The following PRKCD variants were observed in gnomAD, a reference collection of about 807,000 sequenced individuals.
PRKCD encodes the protein protein kinase C delta, also known as protein kinase C delta type.
Under a neutral mutation model 82.2 loss-of-function variants are expected in PRKCD, and 20 were observed. The ratio of observed to expected loss-of-function variants is 0.24; its 90% CI spans 0.17 to 0.35. The LOEUF (loss-of-function observed/expected upper bound fraction) is 0.35, where lower values mean the gene tolerates loss of function less well. Ranked by LOEUF, PRKCD falls within the 10% of genes least tolerant of loss-of-function variation. The probability of loss-of-function intolerance (pLI) is 1.00; values close to 1 mark genes in which losing one functional copy is unlikely to be tolerated. For synonymous variants in PRKCD, 317 were observed against 337.0 expected (o/e 0.94, Z 0.65); for missense variants, 607 against 899.0 (o/e 0.68, Z 4.15).
chr3:53,184,934 A>G lies in PRKCD; in HGVS notation c.848A>G (p.Asn283Ser). Residue 283 changes from asparagine (N) to serine (S), a missense_variant, in exon 10 of 19, where the codon AAC becomes AGC. Transcript: ENST00000330452. ...REKVANLCGINQKLLAEALNQ... is the reference protein window; with the variant it reads ...REKVANLCGISQKLLAEALNQ... The stretch of plus-strand genomic sequence containing the variant: ...AAGGTGGCCAACCTCTGCGGCATCA[A>G]CCAGAAGCTTTTGGCTGAGGCCTTG... 6.2e-7 allele frequency: 1 copy of G among 1,614,052 alleles called. No homozygotes were observed.
intron 18 of PRKCD, among the ~76,000 whole-genome samples, chr3:53,190,944 G>A (rs1172415989): frequency 1.3e-5 from 2 of 152,132 alleles, no homozygotes; most frequent in African/African-American, 4.8e-5. Flanking sequence ...TTCCTTCTCC[G>A]CACTAAGAAA....
At position 53,179,927 on chromosome 3, in the gene PRKCD, G is replaced by A; in HGVS notation, c.315+151G>A. ...CTGTGCTGGCCACCAGTCCAGCCCT[G>A]TGGCCAACATGTCCTGGGTGTGAAT... On this transcript the variant is annotated intron_variant, in intron 4 of 18. Transcript: ENST00000330452. 7 of 903,966 alleles carry A rather than the reference G, an allele frequency of 7.7e-6. No homozygotes were observed. The South Asian group carries it at 1.2e-4, about 15-fold the overall frequency. The allele number at this position is 903,966 out of a possible 1,614,324, so 56.0% of individuals were successfully genotyped here.
chr3:53,192,302 C>T lies in PRKCD; in HGVS notation c.*36C>T, dbSNP rs782006147. On this transcript the variant is annotated 3_prime_UTR_variant, in exon 19 of 19. Transcript: ENST00000330452. ...CAGATCAGGCTAGCCCTGCCCTCCACCCACACCTGCCCGCTCCCCACGATA... is the reference window on the plus strand; with the variant it reads ...CAGATCAGGCTAGCCCTGCCCTCCATCCACACCTGCCCGCTCCCCACGATA... 1 of 1,604,536 alleles carries T rather than the reference C, an allele frequency of 6.2e-7. No homozygotes were observed. The highest frequency in any genetic ancestry group is 8.5e-7 in the Non-Finnish European group (1 of 1,172,006).
chr3:53,179,704 G>C lies in PRKCD; in HGVS notation c.243G>C (p.Val81=), dbSNP rs782530190. 1.4e-5 allele frequency: 22 copies of C among 1,608,800 alleles called. No homozygotes were observed. In the Admixed American group the frequency reaches 3.2e-4, roughly 23 times the overall value. ...IVLMRAAEEP[V]SEVTVGVSVL... The stretch of plus-strand genomic sequence containing the variant: ...TAATGCGGGCAGCAGAGGAGCCAGT[G>C]TCTGAGGTGACCGTGGGTGTGTCGG... Residue 81 remains valine (V), a synonymous_variant, in exon 4 of 19, where the codon GTG becomes GTC. Transcript: ENST00000330452.
In PRKCD at chr3:53,181,534, TC is replaced by T; in HGVS notation, c.468del (p.Lys157ArgfsTer83). 2 of 1,614,214 alleles carry T rather than the reference TC, an allele frequency of 1.2e-6. No homozygotes were observed. Among genetic ancestry groups the T allele is most frequent in the Non-Finnish European group, 1.7e-6 (2 of 1,180,030 alleles). On this transcript the variant is annotated frameshift_variant, in exon 6 of 19. Transcript: ENST00000330452. LOFTEE classifies it high-confidence loss of function. ...GAIKQAKIHY[I>X]KNHEFIATFF... ...ATCAAACAGGCCAAAATCCACTACA[TC>T]AAGAACCATGAGTTTATCGCCACCT...
intron 6 of PRKCD, 31 bp from the exon 7 acceptor site, chr3:53,181,670 T>A (rs1553667578): frequency 6.2e-7 from 1 of 1,612,452 alleles, no homozygotes; most frequent in South Asian, 1.1e-5. Flanking sequence ...CGGTCCCCGC[T>A]CACTCACTTT....
intron 4 of PRKCD, 74 bp downstream of exon 4, chr3:53,179,850 G>A (rs1042995753): frequency 1.3e-6 from 2 of 1,524,114 alleles, no homozygotes; most frequent in African/African-American, 1.4e-5. Context: ...GCATGTGTGT[G>A]CGTGCACACA....
chr3:53,179,851 C>T (rs377630070), intron 4 of PRKCD, 75 bp downstream of exon 4: 21 of 1,514,530 alleles, frequency 1.4e-5, no homozygotes, highest in South Asian at 1.1e-4. Context: ...CATGTGTGTG[C>T]GTGCACACAC....
chr3:53,187,492 C>G (rs944616631), intron 15 of PRKCD, 90 bp downstream of exon 15: 28 of 1,401,410 alleles, frequency 2.0e-5, no homozygotes, highest in Non-Finnish European at 2.7e-5. Flanking sequence ...ATCCCCCCAA[C>G]TCCAGTTCCT....
chr3:53,185,634 T>G lies in PRKCD; in HGVS notation c.919T>G (p.Ser307Ala). ...CTCCCGGAGATCAGACTCAGCCTCC[T>G]CAGAGCCTGTTGGGATATATCAGGG... ...RASRRSDSAS[S>A]EPVGIYQGFE... is the part of the protein sequence containing the mutation. Residue 307 changes from serine (S) to alanine (A), a missense_variant, in exon 11 of 19, where the codon TCA becomes GCA. This residue lies in a region of PRKCD where 85 missense variants were observed against 76.1 expected (regional missense o/e 1.12). Transcript: ENST00000330452. The G allele has an allele frequency of 6.2e-7, 1 of 1,613,456 alleles. No individual in the cohort carries two copies. Among genetic ancestry groups the G allele is most frequent in the Non-Finnish European group, 8.5e-7 (1 of 1,180,020 alleles).
intron 8 of PRKCD, 80 bp downstream of exon 8, chr3:53,183,286 C>A: frequency 6.5e-7 from 1 of 1,546,718 alleles, no homozygotes. Flanking sequence ...TCCCCACCCT[C>A]CCTGGGGAGC....
rs1354456384 is a variant in PRKCD, at chr3:53,169,722, C to G, written c.-20+4507C>G. Among the ~76,000 whole-genome samples the G allele has an allele frequency of 3.3e-5, 5 of 152,172 alleles. No homozygotes were observed. Among genetic ancestry groups the G allele is most frequent in the Admixed American group, 3.3e-4 (5 of 15,276 alleles). On this transcript the variant is annotated intron_variant, in intron 2 of 18. Coordinates refer to ENST00000330452, the MANE Select transcript of PRKCD (RefSeq NM_006254.4). The surrounding 1 kb of genome is among the most constrained non-coding windows in gnomAD (Gnocchi z 4.7). Reference sequence around the variant, plus strand: ...CCGGGAGGGGCAGTAGCTGGCCAGCCTCTGCCAGTGGACTCATGCTGCCTG... The same window carrying G: ...CCGGGAGGGGCAGTAGCTGGCCAGCGTCTGCCAGTGGACTCATGCTGCCTG...
At position 53,173,899 on chromosome 3, in the gene PRKCD, A is replaced by ATGTG. The variant is rs556371932; in HGVS notation, c.-19-4501_-19-4498dup. On this transcript the variant is annotated intron_variant, in intron 2 of 18. Coordinates refer to ENST00000330452, the MANE Select transcript of PRKCD (RefSeq NM_006254.4). ...TTACCTCCCTGTTTTCTCTGTCTTC[A>ATGTG]TGTGTGTTTGTGTGTGCTGATCTCC... 2.6e-3 allele frequency among the ~76,000 whole-genome samples: 401 copies of ATGTG among 152,050 alleles called. 4 individuals carry two copies. The highest frequency in any genetic ancestry group is 8.7e-3 in the African/African-American group (362 of 41,450).
At chr3:53,191,607 A>G (rs550595551) in intron 18 of PRKCD, among the ~76,000 whole-genome samples, 3 of 152,302 alleles carry the variant, frequency 2.0e-5, no homozygotes, top group East Asian at 3.9e-4. Context: ...GCCTGATAGT[A>G]TATATTTTAG....
At position 53,163,901 on chromosome 3, in the gene PRKCD, G is replaced by A. The variant is rs61526468; in HGVS notation, c.-131-1203G>A. On this transcript the variant is annotated intron_variant, in intron 1 of 18. Transcript: ENST00000330452. ...ACCAGACCTTAGTGTCAGTAGTAGCGATGGGGGAGACAGGGGTGGGGGATG... is the reference window on the plus strand; with the variant it reads ...ACCAGACCTTAGTGTCAGTAGTAGCAATGGGGGAGACAGGGGTGGGGGATG... Among the ~76,000 whole-genome samples, 1,493 of 152,294 alleles carry A rather than the reference G, an allele frequency of 9.8e-3. 33 individuals are homozygous for A. The highest frequency in any genetic ancestry group is 0.034 in the African/African-American group (1,424 of 41,546).
At chr3:53,189,587 G>C (rs1341331108) in intron 17 of PRKCD, among the ~76,000 whole-genome samples, 1 of 152,230 alleles carries the variant, frequency 6.6e-6, no homozygotes, top group Non-Finnish European at 1.5e-5. Flanking sequence ...TCACAGAGTT[G>C]TTGGGAAGAA....
chr3:53,184,128 C>G (rs868958311), intron 9 of PRKCD, among the ~76,000 whole-genome samples: 2 of 150,224 alleles, frequency 1.3e-5, no homozygotes, highest in Non-Finnish European at 1.5e-5. Flanking sequence ...GTTAGGAGAT[C>G]GAGACCATCC....
In PRKCD at chr3:53,164,603, A is replaced by G. The variant is rs1258114394; in HGVS notation, c.-131-501A>G. Reference sequence around the variant, plus strand: ...GCCACATTAAAAAAAAAAAAAAGTCACTATTCATTTGGCATTCTCAACATG... The same window carrying G: ...GCCACATTAAAAAAAAAAAAAAGTCGCTATTCATTTGGCATTCTCAACATG... On this transcript the variant is annotated intron_variant, in intron 1 of 18. Transcript: ENST00000330452. Among the ~76,000 whole-genome samples, 4 of 151,606 alleles carry G rather than the reference A, an allele frequency of 2.6e-5. No individual in the cohort carries two copies. The East Asian group carries it at 5.8e-4, about 22-fold the overall frequency.
At chr3:53,166,963 C>T (rs1702855423) in intron 2 of PRKCD, among the ~76,000 whole-genome samples, 1 of 152,240 alleles carries the variant, frequency 6.6e-6, no homozygotes. Flanking sequence ...GGCCATGGGG[C>T]CAAGGTGCTC....
Sources: gnomAD v4.1 joint callset for allele counts (sites outside exome capture counted in the v4.1 genomes callset) on GRCh38, gnomAD v4.1.1 for gene constraint, gnomAD v4.1.1 regional missense constraint, Gnocchi (gnomAD v3.1) non-coding constraint, MANE v1.5 for transcripts, NCBI Gene and HGNC (gene_info 2026-07-23, HGNC 2026-07-21) for gene names.